ADAMTSL3: variants seen among roughly 807,000 people sequenced by gnomAD.
ADAMTSL3 encodes the protein ADAMTS like 3, also known as ADAMTS-like protein 3.
A neutral mutation model predicts 201.7 loss-of-function variants in ADAMTSL3; 128 were observed. The ratio of observed to expected loss-of-function variants is 0.63; its 90% CI spans 0.55 to 0.73. The LOEUF (loss-of-function observed/expected upper bound fraction) is 0.73, where lower values mean the gene tolerates loss of function less well. ADAMTSL3 is among the 30% of genes least tolerant of loss of function. The probability of loss-of-function intolerance (pLI) is 0.00; values close to 1 mark genes in which losing one functional copy is unlikely to be tolerated. For synonymous variants in ADAMTSL3, 738 were observed against 748.4 expected (o/e 0.99, Z 0.23); for missense variants, 1,990 against 2,119.6 (o/e 0.94, Z 1.20).
At position 83,892,879 on chromosome 15, in the gene ADAMTSL3, G is replaced by T. The variant is rs1032548840; in HGVS notation, c.1458G>T (p.Glu486Asp). Reference protein sequence around the residue: ...LFDCPKWIAMEWSQCTVTCGR... With the variant: ...LFDCPKWIAMDWSQCTVTCGR... ...ATTGCCCCAAGTGGATTGCCATGGA[G>T]TGGTCTCAGGTAAGATTTGAGAATA... The change falls in exon 13 of 30, where the codon GAG becomes GAT. Residue 486 changes from glutamate (E) to aspartate (D), a missense_variant. Glu to Asp is a conservative substitution (Grantham distance 45). Coordinates refer to ENST00000286744, the MANE Select transcript of ADAMTSL3 (RefSeq NM_207517.3). 2 of 1,613,820 alleles carry T rather than the reference G, an allele frequency of 1.2e-6. No homozygotes were observed. The highest frequency in any genetic ancestry group is 2.7e-5 in the African/African-American group (2 of 74,886).
intron 12 of ADAMTSL3, among the ~76,000 whole-genome samples, chr15:83,891,937 G>A (rs1435746288): frequency 1.3e-5 from 2 of 152,216 alleles, no homozygotes; most frequent in Non-Finnish European, 2.9e-5. Context: ...AGTCTTGGCC[G>A]GGCGTGGTGG....
chr15:83,861,934 A>T (rs1308796766), intron 8 of ADAMTSL3: 1 of 152,244 alleles, frequency 6.6e-6, no homozygotes, highest in Non-Finnish European at 1.5e-5. Context: ...AAAGAACCTG[A>T]TGGAGCTGAA....
chr15:83,914,038 G>C (rs2065984552), intron 16 of ADAMTSL3, among the ~76,000 whole-genome samples: 1 of 152,156 alleles, frequency 6.6e-6, no homozygotes, highest in Non-Finnish European at 1.5e-5. Flanking sequence ...TAAAAAGATA[G>C]AAATAACAAA....
At chr15:83,890,020 G>GAAA in intron 10 of ADAMTSL3, 89 bp from the exon 11 acceptor site, 1 of 1,291,138 alleles carries the variant, frequency 7.7e-7, no homozygotes. Context: ...TCTTAAAGAG[G>GAAA]AAAAAAAAAA....
chr15:83,917,437 A>G lies in ADAMTSL3; in HGVS notation c.1987+4059A>G, dbSNP rs1187529381. ...AGTGTGTGTATGTATGTATGTATGT[A>G]TGTATGTATGTATGTATGTATATGT... On this transcript the variant is annotated intron_variant, in intron 16 of 29. Coordinates refer to ENST00000286744, the MANE Select transcript of ADAMTSL3 (RefSeq NM_207517.3). Among the ~76,000 whole-genome samples the G allele has an allele frequency of 3.0e-3, 458 of 152,118 alleles. 3 individuals carry two copies. The highest frequency in any genetic ancestry group is 0.011 in the African/African-American group (438 of 41,496).
chr15:83,768,266 A>G (rs1375451977), intron 3 of ADAMTSL3, among the ~76,000 whole-genome samples: 1 of 152,234 alleles, frequency 6.6e-6, no homozygotes, highest in African/African-American at 2.4e-5. Context: ...GGTAAAGATT[A>G]TCATCTCCAT....
chr15:83,882,959 A>G (rs7179241), intron 9 of ADAMTSL3, among the ~76,000 whole-genome samples: 38,911 of 151,854 alleles, frequency 0.26, 5,547 homozygotes, highest in Admixed American at 0.42. Context: ...CAATTATATC[A>G]TTAAATATTG....
At chr15:83,857,178 T>C (rs2064753439) in intron 7 of ADAMTSL3, among the ~76,000 whole-genome samples, 1 of 152,142 alleles carries the variant, frequency 6.6e-6, no homozygotes, top group Non-Finnish European at 1.5e-5. Flanking sequence ...TTTTTTGTTG[T>C]TGTTGAGTTA....
intron 16 of ADAMTSL3, among the ~76,000 whole-genome samples, chr15:83,915,213 G>C (rs1281102518): frequency 6.6e-6 from 1 of 152,086 alleles, no homozygotes; most frequent in Non-Finnish European, 1.5e-5. Flanking sequence ...AAGCTTTTAG[G>C]TGCTGTTGGT....
intron 2 of ADAMTSL3, among the ~76,000 whole-genome samples, chr15:83,677,744 G>A (rs1007605247): frequency 6.6e-6 from 1 of 151,952 alleles, no homozygotes; most frequent in African/African-American, 2.4e-5. Context: ...GTATATCAGT[G>A]TATTTGCTGT....
intron 15 of ADAMTSL3, among the ~76,000 whole-genome samples, chr15:83,906,035 C>T (rs1232093001): frequency 6.6e-6 from 1 of 151,962 alleles, no homozygotes. Flanking sequence ...AACCAACTGC[C>T]CCTAGCACTA....
intron 6 of ADAMTSL3, among the ~76,000 whole-genome samples, chr15:83,833,442 C>G (rs765879661): frequency 6.6e-6 from 1 of 152,018 alleles, no homozygotes; most frequent in Admixed American, 6.6e-5. Context: ...ACCCTCATGA[C>G]CTAACCACCC....
chr15:84,031,271 T>C, intron 27 of ADAMTSL3, 64 bp from the exon 28 acceptor site: 29 of 1,507,356 alleles, frequency 1.9e-5, no homozygotes, highest in Non-Finnish European at 2.8e-6. Context: ...CAGTACATGA[T>C]CTTAGTACAC....
intron 7 of ADAMTSL3, among the ~76,000 whole-genome samples, chr15:83,845,645 T>A (rs918697150): frequency 2.0e-5 from 3 of 152,090 alleles, no homozygotes; most frequent in African/African-American, 7.2e-5. Flanking sequence ...TAAAAAAAAA[T>A]AGATCTTAGG....
chr15:83,767,281 C>T (rs2062907834), intron 3 of ADAMTSL3, among the ~76,000 whole-genome samples: 1 of 152,116 alleles, frequency 6.6e-6, no homozygotes, highest in African/African-American at 2.4e-5. Context: ...GTTAACAGTG[C>T]TTGCGTTATG....
rs527258726 is a variant in ADAMTSL3 at position 83,802,666 on chromosome 15, A to G, written c.318-1984A>G. 2.6e-5 allele frequency among the ~76,000 whole-genome samples: 4 copies of G among 152,280 alleles called. No individual in the cohort carries two copies. The South Asian group carries it at 6.2e-4, about 24-fold the overall frequency. On this transcript the variant is annotated intron_variant, in intron 4 of 29. Transcript: ENST00000286744. ...ATGGCAAATTGTAGGGACAAAACCA[A>G]CCAGTGGTTGCCAGGAGCTGAGGGT...
At chr15:83,748,649 CAAAA>C (rs71156097) in intron 3 of ADAMTSL3, among the ~76,000 whole-genome samples, 1 of 70,514 alleles carries the variant, frequency 1.4e-5, no homozygotes, top group Non-Finnish European at 2.6e-5. Flanking sequence ...GACCCTGTCT[CAAAA>C]AAAAAAAAAA....
intron 3 of ADAMTSL3, among the ~76,000 whole-genome samples, chr15:83,751,165 G>A (rs1236868506): frequency 6.6e-6 from 1 of 152,088 alleles, no homozygotes; most frequent in Non-Finnish European, 1.5e-5. Flanking sequence ...GCTTCTTTGA[G>A]GAAAATTGAG....
chr15:83,670,375 C>T (rs962099060), intron 2 of ADAMTSL3, among the ~76,000 whole-genome samples: 3 of 151,554 alleles, frequency 2.0e-5, no homozygotes, highest in African/African-American at 7.3e-5. Flanking sequence ...TAACCCTAGA[C>T]CAAAGTCTGT....
Sources: gnomAD v4.1 joint callset for allele counts (sites outside exome capture counted in the v4.1 genomes callset) on GRCh38, gnomAD v4.1.1 for gene constraint, MANE v1.5 for transcripts, NCBI Gene and HGNC (gene_info 2026-07-23, HGNC 2026-07-21) for gene names.